The following GRIA1 variants were observed in gnomAD, a reference collection of about 807,000 sequenced individuals.
GRIA1 encodes the protein glutamate receptor 1.
GRIA1 carries 31 observed loss-of-function variants against 99.2 expected under a neutral mutation model. That is an observed-to-expected ratio of 0.31 (90% CI 0.23 to 0.42). The LOEUF (loss-of-function observed/expected upper bound fraction) is 0.42, where lower values mean the gene tolerates loss of function less well. Among genes scored for constraint, GRIA1 ranks in the 10% least tolerant of loss-of-function variants. The probability of loss-of-function intolerance (pLI) is 1.00; values close to 1 mark genes in which losing one functional copy is unlikely to be tolerated. For synonymous variants in GRIA1, 438 were observed against 432.4 expected, an observed-to-expected ratio of 1.01 and a Z score of -0.16; for missense variants, 782 against 1,157.5, an observed-to-expected ratio of 0.68 and a Z score of 4.71.
At chr5:153,753,846 C>T (rs1453185025) in intron 11 of GRIA1, among the ~76,000 whole-genome samples, 1 of 152,202 alleles carries the variant, frequency 6.6e-6, no homozygotes, top group Non-Finnish European at 1.5e-5. Context: ...AAAAGTGCTG[C>T]TTTGCCCTGT....
At chr5:153,666,899 C>T (rs1755786182) in intron 5 of GRIA1, among the ~76,000 whole-genome samples, 1 of 152,148 alleles carries the variant, frequency 6.6e-6, no homozygotes, top group African/African-American at 2.4e-5. Flanking sequence ...AACAAATCAT[C>T]CATCTCTTCC....
chr5:153,735,555 G>A (rs1359472484), intron 11 of GRIA1, among the ~76,000 whole-genome samples: 1 of 152,154 alleles, frequency 6.6e-6, no homozygotes, highest in Admixed American at 6.5e-5. Flanking sequence ...CTGTCTGCTT[G>A]TGGATTTCAT....
intron 2 of GRIA1, among the ~76,000 whole-genome samples, chr5:153,545,130 G>T (rs1726488973): frequency 6.6e-6 from 1 of 152,194 alleles, no homozygotes; most frequent in African/African-American, 2.4e-5. Flanking sequence ...GACCTTAATA[G>T]AAACATTGAA....
intron 2 of GRIA1, among the ~76,000 whole-genome samples, chr5:153,605,192 A>T (rs1342077137): frequency 3.9e-5 from 6 of 152,090 alleles, no homozygotes; most frequent in Admixed American, 3.3e-4. Flanking sequence ...GTCTCAAAAA[A>T]AAAAAAAAGA....
chr5:153,550,417 G>T (rs1439723195), intron 2 of GRIA1, among the ~76,000 whole-genome samples: 4 of 152,004 alleles, frequency 2.6e-5, no homozygotes, highest in African/African-American at 9.7e-5. Flanking sequence ...GGTAGGAGCA[G>T]AAGCACTCAG....
At chr5:153,548,265 A>C (rs533532516) in intron 2 of GRIA1, among the ~76,000 whole-genome samples, 1 of 152,250 alleles carries the variant, frequency 6.6e-6, no homozygotes, top group South Asian at 2.1e-4. Flanking sequence ...AGTTCATAAA[A>C]ATTAGCTCAG....
chr5:153,659,497 T>G (rs1325613175), intron 5 of GRIA1, among the ~76,000 whole-genome samples: 1 of 152,174 alleles, frequency 6.6e-6, no homozygotes, highest in Admixed American at 6.5e-5. Flanking sequence ...GCTCTGAGAC[T>G]GTGGGGAGTG....
At chr5:153,784,200 G>T (rs1041160538) in intron 13 of GRIA1, among the ~76,000 whole-genome samples, 1 of 152,088 alleles carries the variant, frequency 6.6e-6, no homozygotes, top group African/African-American at 2.4e-5. Context: ...TCAGGATTGA[G>T]GGGGTTTCCA....
At chr5:153,680,133 T>C (rs1756867955) in intron 7 of GRIA1, among the ~76,000 whole-genome samples, 1 of 152,110 alleles carries the variant, frequency 6.6e-6, no homozygotes, top group South Asian at 2.1e-4. Context: ...GCTTCACTGC[T>C]CTGAAACCTC....
chr5:153,693,135 C>T (rs1209101370), intron 8 of GRIA1, among the ~76,000 whole-genome samples: 2 of 152,248 alleles, frequency 1.3e-5, no homozygotes, highest in East Asian at 3.9e-4. Context: ...CATGGACCCT[C>T]CACTGTCTAC....
At chr5:153,541,928 C>CAAAAAAAAAAAA (rs57442019) in intron 2 of GRIA1, among the ~76,000 whole-genome samples, 4 of 97,434 alleles carry the variant, frequency 4.1e-5, no homozygotes, top group Admixed American at 1.4e-4. Flanking sequence ...GATCCTGTTT[C>CAAAAAAAAAAAA]AAAAAAAAAA....
rs981279186 is a variant in GRIA1, at chr5:153,647,163, C to T, written c.456C>T (p.Asp152=). 6.2e-7 allele frequency: 1 copy of T among 1,613,476 alleles called. No homozygotes were observed. The highest frequency in any genetic ancestry group is 8.5e-7 in the Non-Finnish European group (1 of 1,179,754). ...AATTTGTCTACATTTATGATGCCGA[C>T]CGGGGTAAGCCAAGGGTTAGGGGAG... ...WQKFVYIYDA[D]RGLSVLQKVL... is the part of the protein sequence containing the mutation. Residue 152 remains aspartate, a synonymous_variant, in exon 3 of 16, where the codon GAC becomes GAT. Transcript: ENST00000285900.
intron 2 of GRIA1, among the ~76,000 whole-genome samples, chr5:153,554,330 G>A (rs931664394): frequency 1.3e-5 from 2 of 152,146 alleles, no homozygotes; most frequent in Non-Finnish European, 2.9e-5. Context: ...CTGTCATGGT[G>A]AATTCATTCT....
At chr5:153,565,226 A>G (rs940991873) in intron 2 of GRIA1, among the ~76,000 whole-genome samples, 1 of 152,206 alleles carries the variant, frequency 6.6e-6, no homozygotes, top group Non-Finnish European at 1.5e-5. Context: ...CGTATAAGAA[A>G]GTCTTTTGGT....
At chr5:153,704,973 T>C (rs1419962614) in intron 10 of GRIA1, among the ~76,000 whole-genome samples, 1 of 152,178 alleles carries the variant, frequency 6.6e-6, no homozygotes. Context: ...TCAATAAATA[T>C]CTATTGAGTT....
At chr5:153,537,921 C>A (rs1758733196) in intron 2 of GRIA1, among the ~76,000 whole-genome samples, 1 of 152,158 alleles carries the variant, frequency 6.6e-6, no homozygotes, top group Non-Finnish European at 1.5e-5. Context: ...CTTACCAGCC[C>A]TGTGATTAGA....
intron 5 of GRIA1, among the ~76,000 whole-genome samples, chr5:153,668,291 A>C (rs918985102): frequency 6.6e-6 from 1 of 152,198 alleles, no homozygotes; most frequent in Non-Finnish European, 1.5e-5. Flanking sequence ...CTTCTCTCCA[A>C]AATCTTTGCT....
At chr5:153,565,108 G>A (rs901235292) in intron 2 of GRIA1, among the ~76,000 whole-genome samples, 1 of 152,128 alleles carries the variant, frequency 6.6e-6, no homozygotes, top group African/African-American at 2.4e-5. Flanking sequence ...GTAAACTACT[G>A]CTAAAAAGGT....
chr5:153,622,891 A>G (rs1176536912), intron 2 of GRIA1, among the ~76,000 whole-genome samples: 1 of 152,224 alleles, frequency 6.6e-6, no homozygotes, highest in East Asian at 1.9e-4. Flanking sequence ...GGGTGTTTGC[A>G]GAGGCCTAGA....
Sources: gnomAD v4.1 joint callset for allele counts (sites outside exome capture counted in the v4.1 genomes callset) on GRCh38, gnomAD v4.1.1 for gene constraint, MANE v1.5 for transcripts, NCBI Gene and HGNC (gene_info 2026-07-23, HGNC 2026-07-21) for gene names.